SETD3: variants seen among roughly 807,000 people sequenced by gnomAD.
The protein encoded by SETD3 is actin-histidine N-methyltransferase.
A neutral mutation model predicts 63.0 loss-of-function variants in SETD3; 19 were observed. The ratio of observed to expected loss-of-function variants is 0.30; its 90% CI spans 0.21 to 0.44. The LOEUF (loss-of-function observed/expected upper bound fraction) is 0.44. Among genes scored for constraint, SETD3 ranks in the 20% least tolerant of loss-of-function variants. The pLI, the probability that SETD3 is intolerant of heterozygous loss-of-function variation, is 1.00. For missense variants in SETD3, 587 were observed against 728.5 expected, an observed-to-expected ratio of 0.81 and a Z score of 2.24; for synonymous variants, 286 against 264.1, an observed-to-expected ratio of 1.08 and a Z score of -0.80.
At chr14:99,474,722 T>C (rs891738064) in intron 1 of SETD3, among the ~76,000 whole-genome samples, 4 of 152,056 alleles carry the variant, frequency 2.6e-5, no homozygotes, top group African/African-American at 9.7e-5. Flanking sequence ...CCCAGTTACT[T>C]GGGAAGCTGA....
intron 6 of SETD3, among the ~76,000 whole-genome samples, chr14:99,425,961 T>A (rs781143620): frequency 6.6e-6 from 1 of 152,004 alleles, no homozygotes; most frequent in South Asian, 2.1e-4. Flanking sequence ...TTTTAATTTC[T>A]AAAAAAAACA....
rs748498587 is a variant in SETD3 at position 99,400,192 on chromosome 14, T to G, written c.1245A>C (p.Glu415Asp). The G allele has an allele frequency of 8.1e-6, 13 of 1,614,050 alleles. No homozygotes were observed. The South Asian group carries it at 1.4e-4, about 18-fold the overall frequency. The change falls in exon 12 of 13, where the codon GAA (glutamate) becomes GAC (aspartate). Residue 415 changes from glutamate to aspartate, a missense_variant. Physicochemically the swap from Glu to Asp is conservative, Grantham distance 45. Coordinates refer to ENST00000331768, the MANE Select transcript of SETD3 (RefSeq NM_032233.3). Reference sequence around the variant, plus strand: ...CCTCGTTGTCCCAGCTAACAGGAAATTCCGAGTTCCCCAAGGTGAAGATTC... The same window carrying G: ...CCTCGTTGTCCCAGCTAACAGGAAAGTCCGAGTTCCCCAAGGTGAAGATTC... ...IDRIFTLGNSEFPVSWDNEVK... is the reference protein window; with the variant it reads ...IDRIFTLGNSDFPVSWDNEVK...
intron 11 of SETD3, among the ~76,000 whole-genome samples, chr14:99,402,714 CT>C (rs1486406343): frequency 6.6e-6 from 1 of 152,224 alleles, no homozygotes; most frequent in Non-Finnish European, 1.5e-5. Context: ...GTAGCTGGGA[CT>C]AGAGGCACGT....
chr14:99,401,138 CA>C (rs34590578), intron 11 of SETD3, among the ~76,000 whole-genome samples: 8,447 of 90,494 alleles, frequency 0.093, 672 homozygotes, highest in African/African-American at 0.27. Context: ...GACCCTGTCT[CA>C]AAAAAAAAAA....
intron 6 of SETD3, among the ~76,000 whole-genome samples, chr14:99,448,310 A>ACAGTGG (rs914599573): frequency 2.6e-5 from 4 of 152,278 alleles, no homozygotes; most frequent in Middle Eastern, 3.4e-3. Flanking sequence ...ATCCACTGTC[A>ACAGTGG]CAGTGGCAGT....
At chr14:99,444,044 C>T in intron 6 of SETD3, among the ~76,000 whole-genome samples, 1 of 152,164 alleles carries the variant, frequency 6.6e-6, no homozygotes, top group East Asian at 1.9e-4. Context: ...ACCCTTTCTA[C>T]AGGGAACCTA....
chr14:99,460,883 T>C (rs916302692), intron 4 of SETD3, among the ~76,000 whole-genome samples: 8 of 152,196 alleles, frequency 5.3e-5, no homozygotes, highest in African/African-American at 1.7e-4. Context: ...ATCCAAACCA[T>C]GAGTCCACCT....
At position 99,404,304 on chromosome 14, in the gene SETD3, A is replaced by G. The variant is rs757550696; in HGVS notation, c.1098T>C (p.Ser366=). Residue 366 remains serine, a synonymous_variant, in exon 11 of 13, where the codon AGT becomes AGC. Coordinates refer to ENST00000331768, the MANE Select transcript of SETD3 (RefSeq NM_032233.3). The part of the protein sequence containing the change: ...VLARAGIPTS[S]VFALHFTEPP... ...GCTCGGTAAAATGCAATGCAAAAACACTGGAACTGATAAAAGCAGAAAGCA... is the reference window on the plus strand; with the variant it reads ...GCTCGGTAAAATGCAATGCAAAAACGCTGGAACTGATAAAAGCAGAAAGCA... 2 of 1,614,086 alleles carry G rather than the reference A, an allele frequency of 1.2e-6. No individual in the cohort carries two copies. Among genetic ancestry groups the G allele is most frequent in the Non-Finnish European group, 1.7e-6 (2 of 1,179,946 alleles).
chr14:99,468,924 A>G (rs11621155), intron 1 of SETD3, among the ~76,000 whole-genome samples: 63,672 of 151,992 alleles, frequency 0.42, 13,837 homozygotes, highest in East Asian at 0.56. Context: ...AGAGGATGCC[A>G]CCCTGAGCTC....
At chr14:99,485,824 C>G (rs766471543), upstream of SETD3, among the ~76,000 whole-genome samples, 9 of 152,008 alleles carry the variant, frequency 5.9e-5, no homozygotes, top group Non-Finnish European at 8.8e-5. Context: ...TGCATTCCAG[C>G]CTGGATGACA....
At chr14:99,472,066 C>T (rs1276029560) in intron 1 of SETD3, among the ~76,000 whole-genome samples, 1 of 152,196 alleles carries the variant, frequency 6.6e-6, no homozygotes, top group South Asian at 2.1e-4. Flanking sequence ...TCTAAGTATA[C>T]GCAAGCTTGA....
intron 3 of SETD3, among the ~76,000 whole-genome samples, chr14:99,462,934 G>A (rs538648187): frequency 6.6e-6 from 1 of 152,210 alleles, no homozygotes; most frequent in East Asian, 1.9e-4. Context: ...GTGCTTTACA[G>A]AACAAAAACA....
chr14:99,458,774 C>A lies in SETD3; in HGVS notation c.419-239G>T, dbSNP rs988832925. On this transcript the variant is annotated intron_variant, in intron 5 of 12. Coordinates refer to ENST00000331768, the MANE Select transcript of SETD3 (RefSeq NM_032233.3). ...GCAATATAGCAAAACCCCATCACTA[C>A]AAAAAAAAAAAAAAAAAAAAAATTA... is the stretch of plus-strand genomic sequence containing the variant. 1.1e-3 allele frequency among the ~76,000 whole-genome samples: 95 copies of A among 89,472 alleles called. No homozygotes were observed. Among genetic ancestry groups the A allele is most frequent in the South Asian group, 1.7e-3 (4 of 2,364 alleles). The allele number at this position is 89,472 out of a possible 152,430, so 58.7% of individuals were successfully genotyped here.
At chr14:99,399,510 T>A (rs897683705) in intron 12 of SETD3, among the ~76,000 whole-genome samples, 1 of 152,180 alleles carries the variant, frequency 6.6e-6, no homozygotes, top group African/African-American at 2.4e-5. Context: ...ATGAGAAAGA[T>A]GTATTTGAAG....
At chr14:99,443,804 T>A (rs2139728943) in intron 6 of SETD3, among the ~76,000 whole-genome samples, 1 of 152,340 alleles carries the variant, frequency 6.6e-6, no homozygotes, top group East Asian at 1.9e-4. Flanking sequence ...CAGGGAGGCC[T>A]ATTTTGCCTC....
At chr14:99,410,070 G>T (rs1047424110) in intron 8 of SETD3, 28 of 731,650 alleles carry the variant, frequency 3.8e-5, no homozygotes, top group Middle Eastern at 3.2e-4. Context: ...GGGCAGGAGG[G>T]CGGATGAGCT....
Position 99,458,501 on chromosome 14 carries a change from G to A in SETD3, c.453C>T (p.Ala151=), listed in dbSNP as rs769113191. 6.2e-7 allele frequency: 1 copy of A among 1,614,130 alleles called. No individual in the cohort carries two copies. Among genetic ancestry groups the A allele is most frequent in the Admixed American group, 1.7e-5 (1 of 60,012 alleles). The change falls in exon 6 of 13, where the codon GCC becomes GCT. Residue 151 remains alanine (A), a synonymous_variant. Transcript: ENST00000331768. The stretch of plus-strand genomic sequence containing the variant: ...GAAAGGCCAGTGCGATGTTTCCCAT[G>A]GCTTGAAGGATTCGGTCTTGAGAAT... ...PLYSQDRILQ[A]MGNIALAFHL... is the part of the protein sequence containing the mutation.
Position 99,456,317 on chromosome 14 carries a change from T to C in SETD3, c.675+1962A>G, listed in dbSNP as rs545770472. Among the ~76,000 whole-genome samples, 26 of 152,324 alleles carry C rather than the reference T, an allele frequency of 1.7e-4. 1 individual carries two copies. The highest frequency in any genetic ancestry group is 6.3e-4 in the African/African-American group (26 of 41,568). Reference sequence around the variant, plus strand: ...TTCAGACTGATTTAATTGCAAAAAATATAATCAACTGTGCAGACATTTGAT... The same window carrying C: ...TTCAGACTGATTTAATTGCAAAAAACATAATCAACTGTGCAGACATTTGAT... On this transcript the variant is annotated intron_variant, in intron 6 of 12. Transcript: ENST00000331768.
chr14:99,469,769 G>A (rs544047266), intron 1 of SETD3, among the ~76,000 whole-genome samples: 4 of 152,184 alleles, frequency 2.6e-5, no homozygotes, highest in Non-Finnish European at 5.9e-5. Flanking sequence ...CCTACAAACC[G>A]CATAGTGCAC....
Sources: gnomAD v4.1 joint callset for allele counts (sites outside exome capture counted in the v4.1 genomes callset) on GRCh38, gnomAD v4.1.1 for gene constraint, MANE v1.5 for transcripts, NCBI Gene and HGNC (gene_info 2026-07-23, HGNC 2026-07-21) for gene names.